CALCOCO2: variants seen among roughly 807,000 people sequenced by gnomAD.
The protein encoded by CALCOCO2 is calcium binding and coiled-coil domain 2.
A neutral mutation model predicts 62.5 loss-of-function variants in CALCOCO2; 42 were observed. That is an observed-to-expected ratio of 0.67 (90% CI 0.53 to 0.87). The LOEUF (loss-of-function observed/expected upper bound fraction) is 0.87, where lower values mean the gene tolerates loss of function less well. Ranked by LOEUF, CALCOCO2 falls within the 40% of genes least tolerant of loss-of-function variation. The probability of loss-of-function intolerance (pLI) is 0.00; values close to 1 mark genes in which losing one functional copy is unlikely to be tolerated. For missense variants in CALCOCO2, 456 were observed against 515.0 expected (o/e 0.89, Z 1.11); for synonymous variants, 167 against 173.0 (o/e 0.97, Z 0.27).
chr17:48,844,564 C>T (rs987608496), intron 2 of CALCOCO2, among the ~76,000 whole-genome samples: 23 of 152,020 alleles, frequency 1.5e-4, no homozygotes, highest in Admixed American at 1.3e-4. Flanking sequence ...AAGCGATTCT[C>T]CTGCCTCAGC....
At chr17:48,854,177 A>G (rs1388123961) in intron 9 of CALCOCO2, among the ~76,000 whole-genome samples, 6 of 149,388 alleles carry the variant, frequency 4.0e-5, no homozygotes, top group Admixed American at 2.0e-4. Context: ...TTAGCCGGGC[A>G]TGGTGGTGGG....
intron 11 of CALCOCO2, 61 bp downstream of exon 11, chr17:48,860,510 A>G: frequency 6.4e-7 from 1 of 1,551,302 alleles, no homozygotes. Flanking sequence ...CCCCTACTAA[A>G]TTTTTGTTTC....
At chr17:48,840,961 A>G (rs1380093903) in intron 1 of CALCOCO2, among the ~76,000 whole-genome samples, 2 of 152,228 alleles carry the variant, frequency 1.3e-5, no homozygotes, top group Admixed American at 6.5e-5. Context: ...AAGTGCCTAC[A>G]ATGGCAGACA....
In CALCOCO2 at chr17:48,846,550, A is replaced by G. The variant is rs528408105; in HGVS notation, c.181-1514A>G. 2.3e-5 allele frequency: 22 copies of G among 950,462 alleles called. No homozygotes were observed. In the African/African-American group the frequency reaches 3.1e-4, roughly 13 times the overall value. 58.9% of individuals were successfully genotyped at this position (950,462 alleles called of 1,614,324 possible). On this transcript the variant is annotated intron_variant, in intron 2 of 12. Coordinates refer to ENST00000258947, the MANE Select transcript of CALCOCO2 (RefSeq NM_005831.5). ...GTTGTTTCCCTGTTCCAAGGCAGCAATAATTCTTAGGCCTTCCCAATGATA... is the reference window on the plus strand; with the variant it reads ...GTTGTTTCCCTGTTCCAAGGCAGCAGTAATTCTTAGGCCTTCCCAATGATA...
At chr17:48,847,629 G>A (rs2040070119) in intron 2 of CALCOCO2, 1 of 152,642 alleles carries the variant, frequency 6.6e-6, no homozygotes, top group Non-Finnish European at 1.5e-5. Context: ...TGAGAATCTT[G>A]TCATAATGAA....
intron 2 of CALCOCO2, chr17:48,846,496 C>A: frequency 6.7e-7 from 1 of 1,486,656 alleles, no homozygotes. Flanking sequence ...AATGGAGGAG[C>A]CAAGGACAGA....
chr17:48,862,388 A>G (rs1567761766), intron 12 of CALCOCO2, 84 bp downstream of exon 12: 1 of 933,974 alleles, frequency 1.1e-6, no homozygotes, highest in Non-Finnish European at 1.8e-6. Flanking sequence ...AACCATAGGG[A>G]GACAGGTTCA....
Position 48,863,126 on chromosome 17 carries a change from G to C in CALCOCO2, c.*121G>C, listed in dbSNP as rs1598050771. Reference sequence around the variant, plus strand: ...AATTATTAGGGATTTACTCAGCCCTGCTGCCGCTAACAGTGGAGTTATGTC... The same window carrying C: ...AATTATTAGGGATTTACTCAGCCCTCCTGCCGCTAACAGTGGAGTTATGTC... On this transcript the variant is annotated 3_prime_UTR_variant, in exon 13 of 13. Coordinates refer to ENST00000258947, the MANE Select transcript of CALCOCO2 (RefSeq NM_005831.5). 3 of 758,146 alleles carry C rather than the reference G, an allele frequency of 4.0e-6. No individual in the cohort carries two copies. Among genetic ancestry groups the C allele is most frequent in the East Asian group, 2.6e-5 (1 of 37,912 alleles). The allele number at this position is 758,146 out of a possible 1,614,324, so 47.0% of individuals were successfully genotyped here.
intron 6 of CALCOCO2, 136 bp downstream of exon 6, chr17:48,851,313 A>C: frequency 1.5e-6 from 1 of 658,102 alleles, no homozygotes; most frequent in Non-Finnish European, 2.7e-6. Flanking sequence ...CACCCTTTGA[A>C]TCATGAATTA....
At chr17:48,833,198 C>T (rs1358713161) in intron 1 of CALCOCO2, among the ~76,000 whole-genome samples, 1 of 152,130 alleles carries the variant, frequency 6.6e-6, no homozygotes, top group Non-Finnish European at 1.5e-5. Context: ...TCTGCCATAG[C>T]CAGGGAGAAA....
In CALCOCO2 at chr17:48,862,934, A is replaced by G. The variant is rs1258045141; in HGVS notation, c.1270A>G (p.Ile424Val). 1.9e-6 allele frequency: 3 copies of G among 1,613,816 alleles called. No homozygotes were observed. The highest frequency in any genetic ancestry group is 1.3e-5 in the African/African-American group (1 of 74,928). ...QMQPLCFNCP[I>V]CDKIFPATEK... is the part of the protein sequence containing the mutation. ...GCAGCCCCTTTGTTTCAATTGTCCA[A>G]TTTGTGACAAGATCTTCCCAGCTAC... The change falls in exon 13 of 13, where the codon ATT becomes GTT. Residue 424 changes from isoleucine to valine, a missense_variant. Around this residue, in one of 3 missense-constraint regions of CALCOCO2, gnomAD observed 172 missense variants for 210.3 expected, o/e 0.82. Coordinates refer to ENST00000258947, the MANE Select transcript of CALCOCO2 (RefSeq NM_005831.5).
At chr17:48,847,949 C>A in intron 2 of CALCOCO2, 115 bp from the exon 3 acceptor site, 1 of 649,584 alleles carries the variant, frequency 1.5e-6, no homozygotes, top group Non-Finnish European at 2.7e-6. Flanking sequence ...GCCACTGCAC[C>A]CGGCCTATAT....
rs529082137 is a variant in CALCOCO2 at position 48,858,071 on chromosome 17, G to C, written c.1008+1884G>C. Among the ~76,000 whole-genome samples, 68 of 144,926 alleles carry C rather than the reference G, an allele frequency of 4.7e-4. No individual in the cohort carries two copies. In the South Asian group the frequency reaches 0.012, roughly 25 times the overall value. On this transcript the variant is annotated intron_variant, in intron 10 of 12. Transcript: ENST00000258947. ...AAATAGAATAGAATAGAATAGAATA[G>C]AATTTTACCATCTTAATAATGTAAA... is the stretch of plus-strand genomic sequence containing the variant.
chr17:48,851,853 C>T (rs573417467), intron 7 of CALCOCO2, among the ~76,000 whole-genome samples: 5 of 152,098 alleles, frequency 3.3e-5, no homozygotes, highest in South Asian at 2.1e-4. Context: ...GATTCACAGC[C>T]GGGCGCAGTG....
At chr17:48,862,448 C>T (rs563390173) in intron 12 of CALCOCO2, 144 bp downstream of exon 12, 324 of 699,354 alleles carry the variant, frequency 4.6e-4, no homozygotes, top group Non-Finnish European at 7.9e-4. Context: ...GGGCCCAAGG[C>T]TGAGCCAGCC....
At chr17:48,860,482 C>A in intron 11 of CALCOCO2, 33 bp downstream of exon 11, 1 of 1,604,910 alleles carries the variant, frequency 6.2e-7, no homozygotes, top group Non-Finnish European at 8.5e-7. Context: ...ACTGGAAGGA[C>A]CCTGCCTGCA....
intron 12 of CALCOCO2, 98 bp downstream of exon 12, chr17:48,862,402 T>C: frequency 3.5e-6 from 3 of 866,630 alleles, no homozygotes; most frequent in Non-Finnish European, 6.0e-6. Flanking sequence ...AGGTTCATTT[T>C]GATAACTCCA....
intron 1 of CALCOCO2, among the ~76,000 whole-genome samples, chr17:48,833,932 C>T (rs1039133965): frequency 5.9e-5 from 9 of 151,920 alleles, no homozygotes; most frequent in African/African-American, 2.2e-4. Flanking sequence ...AGTTCAAGAC[C>T]AGCCTGGGCA....
intron 1 of CALCOCO2, among the ~76,000 whole-genome samples, chr17:48,837,104 T>C (rs765868361): frequency 6.6e-6 from 1 of 152,114 alleles, no homozygotes; most frequent in South Asian, 2.1e-4. Context: ...TTCTTCATGA[T>C]CCGCAAAGGA....
Sources: gnomAD v4.1 joint callset for allele counts (sites outside exome capture counted in the v4.1 genomes callset) on GRCh38, gnomAD v4.1.1 for gene constraint, gnomAD v4.1.1 regional missense constraint, MANE v1.5 for transcripts, NCBI Gene and HGNC (gene_info 2026-07-23, HGNC 2026-07-21) for gene names.